Variants in FBXO27 observed in about 807,000 individuals in gnomAD.
The protein encoded by FBXO27 is F-box protein 27.
Under a neutral mutation model 28.3 loss-of-function variants are expected in FBXO27, and 28 were observed. That is an observed-to-expected ratio of 0.99 (90% CI 0.73 to 1.36). The LOEUF (loss-of-function observed/expected upper bound fraction) is 1.36, where lower values mean the gene tolerates loss of function less well. Among genes scored for constraint, FBXO27 ranks in the 40% most tolerant of loss-of-function variants. FBXO27 has a pLI of 0.00. For synonymous variants in FBXO27, 175 were observed against 167.3 expected, an observed-to-expected ratio of 1.05 and a Z score of -0.36; for missense variants, 388 against 394.1, an observed-to-expected ratio of 0.98 and a Z score of 0.13.
chr19:39,015,152 C>CA (rs895931767), intron 1 of FBXO27, among the ~76,000 whole-genome samples: 6 of 147,310 alleles, frequency 4.1e-5, no homozygotes, highest in South Asian at 2.2e-4. Flanking sequence ...CCCCTCTCTA[C>CA]AAAAAAATAA....
chr19:39,023,346 C>G (rs949017518), downstream of FBXO27, among the ~76,000 whole-genome samples: 2 of 152,156 alleles, frequency 1.3e-5, no homozygotes, highest in Admixed American at 1.3e-4. Flanking sequence ...TCTGGCTTAT[C>G]GAAAGCTTTG....
chr19:39,020,668 GA>G (rs2072840778), downstream of FBXO27, among the ~76,000 whole-genome samples: 1 of 145,714 alleles, frequency 6.9e-6, no homozygotes, highest in Non-Finnish European at 1.5e-5. Context: ...TCCTGCAGGA[GA>G]AAACTGTGTC....
At chr19:39,027,154 G>A (rs1462851734) in intron 4 of FBXO27, 149 bp from the exon 5 acceptor site, 1 of 990,322 alleles carries the variant, frequency 1.0e-6, no homozygotes, top group East Asian at 2.5e-5. Context: ...TTGGAATGTT[G>A]TGTCAGACAG....
chr19:39,026,879 G>C lies in FBXO27; in HGVS notation c.699C>G (p.Ala233=). ...CCCATAGGAGACTCACGTGAAGGCA[G>C]GCATTGTTGTTCCACTGCGGGATGG... The part of the protein sequence containing the change: ...PDPIPQWNNN[A]CLHVTHVFSN... The change falls in exon 5 of 6, where the codon GCC becomes GCG. Residue 233 remains alanine (A), a synonymous_variant. Transcript: ENST00000292853. 1 of 1,614,220 alleles carries C rather than the reference G, an allele frequency of 6.2e-7. No individual in the cohort carries two copies. Among genetic ancestry groups the C allele is most frequent in the Non-Finnish European group, 8.5e-7 (1 of 1,180,052 alleles).
intron 1 of FBXO27, among the ~76,000 whole-genome samples, chr19:39,016,794 C>G (rs8105813): frequency 6.6e-6 from 1 of 151,414 alleles, no homozygotes; most frequent in East Asian, 1.9e-4. Flanking sequence ...AAAAAAAAAG[C>G]ATATTAAATA....
chr19:39,032,107 C>A lies in FBXO27; in HGVS notation c.121G>T (p.Val41Phe). ...PELLLVVLSH[V>F]PPRTLLGRCR... ...CGCCCGAGCAGCGTGCGCGGGGGGA[C>A]GTGGCTCAGCACCACCAGAAGCAGC... is the stretch of plus-strand genomic sequence containing the variant. The change falls in exon 2 of 6, where the codon GTC becomes TTC. Residue 41 changes from valine (V) to phenylalanine (F), a missense_variant. Transcript: ENST00000292853. The surrounding 1 kb of genome is among the most constrained non-coding windows in gnomAD (Gnocchi z 4.7). 1.3e-6 allele frequency: 2 copies of A among 1,532,284 alleles called. No homozygotes were observed. Among genetic ancestry groups the A allele is most frequent in the Non-Finnish European group, 1.7e-6 (2 of 1,147,290 alleles). 94.9% of individuals were successfully genotyped at this position (1,532,284 alleles called of 1,614,324 possible). A position where few individuals can be genotyped will look rare whatever the true frequency, so the allele number is the denominator to read the frequency against.
intron 2 of FBXO27, among the ~76,000 whole-genome samples, chr19:39,006,576 A>T (rs1975735593): frequency 6.6e-6 from 1 of 151,990 alleles, no homozygotes; most frequent in Non-Finnish European, 1.5e-5. Flanking sequence ...AGAAAAAGAA[A>T]AAAGAAAAAA....
At chr19:39,015,464 TA>T (rs143855390) in intron 1 of FBXO27, among the ~76,000 whole-genome samples, 13,329 of 145,102 alleles carry the variant, frequency 0.092, 774 homozygotes, top group Non-Finnish European at 0.12. Context: ...GACCTCATCT[TA>T]AAAAAAAAAG....
chr19:39,017,732 C>CT (rs897293366), intron 1 of FBXO27, among the ~76,000 whole-genome samples: 14 of 150,964 alleles, frequency 9.3e-5, no homozygotes, highest in African/African-American at 1.5e-4. Context: ...AAATTTCTCC[C>CT]TTTTTTTTTC....
At chr19:39,007,494 A>T (rs894151384) in intron 2 of FBXO27, among the ~76,000 whole-genome samples, 8 of 151,828 alleles carry the variant, frequency 5.3e-5, no homozygotes, top group African/African-American at 1.9e-4. Context: ...GAAAGGCAAG[A>T]CCGGGTGTTT....
intron 4 of FBXO27, among the ~76,000 whole-genome samples, chr19:39,028,646 T>C (rs911044405): frequency 6.6e-5 from 10 of 151,986 alleles, no homozygotes; most frequent in South Asian, 2.1e-4. Context: ...GCAGATCACC[T>C]GAGGTCAGGA....
chr19:39,026,255 A>G (rs538145736), intron 5 of FBXO27, among the ~76,000 whole-genome samples: 1 of 152,204 alleles, frequency 6.6e-6, no homozygotes, highest in African/African-American at 2.4e-5. Flanking sequence ...AAGGAGCCCA[A>G]GCAGAGAGAT....
At chr19:39,010,163 G>A (rs2072788224) in intron 2 of FBXO27, among the ~76,000 whole-genome samples, 1 of 149,550 alleles carries the variant, frequency 6.7e-6, no homozygotes, top group Admixed American at 6.7e-5. Flanking sequence ...TCCTATTGTT[G>A]CTTGTGCTTT....
At chr19:39,018,863 G>T (rs535177649) in intron 1 of FBXO27, among the ~76,000 whole-genome samples, 2 of 151,102 alleles carry the variant, frequency 1.3e-5, no homozygotes, top group East Asian at 3.9e-4. Context: ...GAGGCCAGGA[G>T]TTCGAGACCA....
Position 39,011,558 on chromosome 19 carries a change from T to C in FBXO27, c.252+2829A>G, listed in dbSNP as rs543266947. On this transcript the variant is annotated intron_variant, in intron 2 of 2. Transcript: ENST00000598394. ...GGGGTATCTATTTATTTAGCTCTTA[T>C]TTAATTTCTTTCAGCAATATTGTAG... 2.5e-4 allele frequency among the ~76,000 whole-genome samples: 38 copies of C among 152,340 alleles called. No homozygotes were observed. In the South Asian group the frequency reaches 7.7e-3, roughly 31 times the overall value.
chr19:39,028,170 G>T (rs1024696653), intron 4 of FBXO27, among the ~76,000 whole-genome samples: 1 of 152,054 alleles, frequency 6.6e-6, no homozygotes, highest in African/African-American at 2.4e-5. Flanking sequence ...GGCAGAGGTT[G>T]CAGTGAGCTG....
At chr19:39,028,758 G>T (rs1440381369) in intron 4 of FBXO27, among the ~76,000 whole-genome samples, 1 of 152,114 alleles carries the variant, frequency 6.6e-6, no homozygotes, top group Non-Finnish European at 1.5e-5. Flanking sequence ...AGCTACTGGG[G>T]AGGCTGAGGC....
chr19:39,031,251 A>C lies in FBXO27; in HGVS notation c.434T>G (p.Val145Gly). 6.2e-7 allele frequency: 1 copy of C among 1,614,130 alleles called. No homozygotes were observed. The highest frequency in any genetic ancestry group is 8.5e-7 in the Non-Finnish European group (1 of 1,180,034). The part of the protein sequence containing the change: ...GWVVEENRTT[V>G]PGAPSQTCFV... Reference sequence around the variant, plus strand: ...GCACGTCTGAGAAGGGGCCCCAGGCACGGTTGTCCTGTTTTCCTCCACCAC... The same window carrying C: ...GCACGTCTGAGAAGGGGCCCCAGGCCCGGTTGTCCTGTTTTCCTCCACCAC... Residue 145 changes from valine (V) to glycine (G), a missense_variant, in exon 3 of 6, where the codon GTG becomes GGG. By Grantham distance (109) the Val-to-Gly change is moderately radical (BLOSUM62 -3). Transcript: ENST00000292853.
chr19:39,018,086 T>G (rs2072828175), intron 1 of FBXO27, among the ~76,000 whole-genome samples: 1 of 152,150 alleles, frequency 6.6e-6, no homozygotes, highest in Non-Finnish European at 1.5e-5. Context: ...GTTCAAGCAA[T>G]CCTCCTGCCT....
Sources: allele counts gnomAD v4.1 joint callset (sites outside exome capture counted in the v4.1 genomes callset), GRCh38; gene constraint gnomAD v4.1.1; non-coding constraint Gnocchi (gnomAD v3.1); transcripts MANE v1.5; gene names NCBI Gene and HGNC (gene_info 2026-07-23, HGNC 2026-07-21).